The following SLIT2 variants were observed in gnomAD, a reference collection of about 807,000 sequenced individuals.
SLIT2 encodes slit guidance ligand 2.
In SLIT2, 41 loss-of-function variants were observed where a neutral mutation model predicts 185.7. The ratio of observed to expected loss-of-function variants is 0.22; its 90% CI spans 0.17 to 0.29. The LOEUF (loss-of-function observed/expected upper bound fraction) is 0.29. SLIT2 is among the 10% of genes least tolerant of loss of function. The pLI is 1.00. For missense variants in SLIT2, 1,571 were observed against 1,909.0 expected (o/e 0.82, Z 3.30); for synonymous variants, 693 against 680.2 (o/e 1.02, Z -0.29).
At chr4:20,292,584 T>C in intron 4 of SLIT2, among the ~76,000 whole-genome samples, 1 of 152,088 alleles carries the variant, frequency 6.6e-6, no homozygotes, top group East Asian at 1.9e-4. Flanking sequence ...TTATGGAAAT[T>C]TTTTAGTTTT....
intron 29 of SLIT2, among the ~76,000 whole-genome samples, chr4:20,576,089 T>C (rs1726066488): frequency 2.6e-5 from 4 of 152,214 alleles, no homozygotes; most frequent in Admixed American, 2.6e-4. Context: ...GTCTATACTC[T>C]GGAAATATCG....
intron 20 of SLIT2, among the ~76,000 whole-genome samples, 189 bp from the exon 21 acceptor site, chr4:20,542,305 C>G (rs190501287): frequency 6.6e-6 from 1 of 152,068 alleles, no homozygotes; most frequent in African/African-American, 2.4e-5. Flanking sequence ...GAATTCTTCC[C>G]TAGGCAGTCT....
intron 9 of SLIT2, among the ~76,000 whole-genome samples, chr4:20,497,338 A>G (rs1425526935): frequency 6.6e-6 from 1 of 152,102 alleles, no homozygotes; most frequent in Non-Finnish European, 1.5e-5. Flanking sequence ...AATGGCTTCA[A>G]TCATACATTT....
intron 20 of SLIT2, 128 bp downstream of exon 20, chr4:20,541,747 G>T: frequency 1.2e-6 from 1 of 862,686 alleles, no homozygotes. Flanking sequence ...TTTGTCGTTT[G>T]GGTTTTGTTT....
At chr4:20,453,099 G>T (rs1560435495) in intron 4 of SLIT2, among the ~76,000 whole-genome samples, 1 of 152,208 alleles carries the variant, frequency 6.6e-6, no homozygotes, top group Non-Finnish European at 1.5e-5. Flanking sequence ...ATTAGCTTAA[G>T]ATTGCCTTTC....
rs780736229 is a variant in SLIT2, at chr4:20,550,863, A to C, written c.2526A>C (p.Glu842Asp). ...LHGNDISVVP[E>D]GAFNDLSALS... Reference sequence around the variant, plus strand: ...GAAATGACATTTCTGTTGTGCCTGAAGGTGCTTTCAATGATCTTTCTGCAT... The same window carrying C: ...GAAATGACATTTCTGTTGTGCCTGACGGTGCTTTCAATGATCTTTCTGCAT... Residue 842 changes from glutamate (E) to aspartate (D), a missense_variant, in exon 25 of 37, where the codon GAA becomes GAC. Around this residue, in one of 3 missense-constraint regions of SLIT2, gnomAD observed 1,202 missense variants for 1,416.4 expected, o/e 0.85. Coordinates refer to ENST00000504154, the MANE Select transcript of SLIT2 (RefSeq NM_004787.4). 5 of 1,609,152 alleles carry C rather than the reference A, an allele frequency of 3.1e-6. No homozygotes were observed. In the South Asian group the frequency reaches 4.4e-5, roughly 14 times the overall value.
intron 4 of SLIT2, among the ~76,000 whole-genome samples, chr4:20,358,715 C>T (rs1273830591): frequency 2.0e-5 from 3 of 152,038 alleles, no homozygotes; most frequent in Non-Finnish European, 4.4e-5. Context: ...TTAATCATTT[C>T]TAATTTCAGT....
At chr4:20,462,264 A>G (rs1254295826) in intron 4 of SLIT2, among the ~76,000 whole-genome samples, 1 of 152,206 alleles carries the variant, frequency 6.6e-6, no homozygotes, top group Non-Finnish European at 1.5e-5. Context: ...TAAAAAATGA[A>G]TAAACCAGGT....
At chr4:20,510,122 A>G (rs922234766) in intron 9 of SLIT2, among the ~76,000 whole-genome samples, 3 of 152,146 alleles carry the variant, frequency 2.0e-5, no homozygotes, top group Non-Finnish European at 4.4e-5. Flanking sequence ...GATTGTATCT[A>G]AAATATGTAA....
At chr4:20,493,015 A>G (rs1477762568) in intron 9 of SLIT2, among the ~76,000 whole-genome samples, 1 of 152,190 alleles carries the variant, frequency 6.6e-6, no homozygotes, top group African/African-American at 2.4e-5. Context: ...TATCATTCTC[A>G]TCAAAATTTT....
At chr4:20,549,379 A>T (rs1048124204) in intron 24 of SLIT2, among the ~76,000 whole-genome samples, 2 of 152,314 alleles carry the variant, frequency 1.3e-5, no homozygotes, top group African/African-American at 4.8e-5. Flanking sequence ...TATATGTAAC[A>T]TTAAGACATA....
intron 5 of SLIT2, among the ~76,000 whole-genome samples, chr4:20,468,188 T>A (rs1167500667): frequency 6.6e-6 from 1 of 152,106 alleles, no homozygotes; most frequent in Non-Finnish European, 1.5e-5. Flanking sequence ...ACAAAACTGT[T>A]AGTTTTATTG....
intron 11 of SLIT2, among the ~76,000 whole-genome samples, chr4:20,513,260 G>A (rs1719916012): frequency 6.6e-6 from 1 of 152,184 alleles, no homozygotes; most frequent in Non-Finnish European, 1.5e-5. Flanking sequence ...GTAGCAACGT[G>A]TGGAAGATCA....
At chr4:20,494,511 T>G (rs1403195774) in intron 9 of SLIT2, among the ~76,000 whole-genome samples, 1 of 152,160 alleles carries the variant, frequency 6.6e-6, no homozygotes, top group Non-Finnish European at 1.5e-5. Flanking sequence ...GTGCAGTGGC[T>G]CACGCCTGTA....
At chr4:20,445,128 T>A (rs1259533596) in intron 4 of SLIT2, among the ~76,000 whole-genome samples, 1 of 152,124 alleles carries the variant, frequency 6.6e-6, no homozygotes, top group African/African-American at 2.4e-5. Flanking sequence ...CCCTCACCCC[T>A]CTCCTGGCCA....
intron 21 of SLIT2, among the ~76,000 whole-genome samples, chr4:20,545,131 C>T (rs1723137272): frequency 6.6e-6 from 1 of 152,058 alleles, no homozygotes; most frequent in Admixed American, 6.6e-5. Flanking sequence ...ATACCAACTT[C>T]AACCTGGAAT....
At chr4:20,600,922 T>C (rs951809073) in intron 33 of SLIT2, among the ~76,000 whole-genome samples, 1 of 150,738 alleles carries the variant, frequency 6.6e-6, no homozygotes, top group African/African-American at 2.4e-5. Context: ...ATATTAAATA[T>C]AGAATATTAT....
At position 20,617,087 on chromosome 4, in the gene SLIT2, C is replaced by A. The variant is rs780550262; in HGVS notation, c.4025C>A (p.Ala1342Asp). 6.2e-7 allele frequency: 1 copy of A among 1,613,934 alleles called. No homozygotes were observed. Among genetic ancestry groups the A allele is most frequent in the South Asian group, 1.1e-5 (1 of 91,082 alleles). ...GAGCCATGCCACAAGAAGGTGTGTGCCCATGGCACATGCCAGCCCAGCAGC... is the reference window on the plus strand; with the variant it reads ...GAGCCATGCCACAAGAAGGTGTGTGACCATGGCACATGCCAGCCCAGCAGC... ...GCEPCHKKVCAHGTCQPSSQA... is the reference protein window; with the variant it reads ...GCEPCHKKVCDHGTCQPSSQA... Residue 1342 changes from alanine (A) to aspartate (D), a missense_variant, in exon 35 of 37, where the codon GCC becomes GAC. This residue lies in a region of SLIT2 where 223 missense variants were observed against 245.2 expected (regional missense o/e 0.91). Transcript: ENST00000504154.
rs182255460 is a variant in SLIT2 at position 20,439,856 on chromosome 4, A to G, written c.396-27896A>G. Among the ~76,000 whole-genome samples, 9 of 152,364 alleles carry G rather than the reference A, an allele frequency of 5.9e-5. No individual in the cohort carries two copies. In the South Asian group the frequency reaches 1.0e-3, roughly 18 times the overall value. On this transcript the variant is annotated intron_variant, in intron 4 of 36. Coordinates refer to ENST00000504154, the MANE Select transcript of SLIT2 (RefSeq NM_004787.4). ...TAAGAACCATAGATAAATAGAGTTC[A>G]GCTCCTGCCCTTGAGGAACTCACCA... is the stretch of plus-strand genomic sequence containing the variant.
Sources: gnomAD v4.1 joint callset for allele counts (sites outside exome capture counted in the v4.1 genomes callset) on GRCh38, gnomAD v4.1.1 for gene constraint, gnomAD v4.1.1 regional missense constraint, MANE v1.5 for transcripts, NCBI Gene and HGNC (gene_info 2026-07-23, HGNC 2026-07-21) for gene names.